Variants in DEAF1 observed in about 807,000 individuals in gnomAD.
The protein encoded by DEAF1 is DEAF1 transcription factor.
In DEAF1, 53 loss-of-function variants were observed where a neutral mutation model predicts 58.9. The observed-to-expected ratio is 0.90, with a 90% confidence interval of 0.72 to 1.13. The LOEUF (loss-of-function observed/expected upper bound fraction) is 1.13. DEAF1 is among the 50% of genes most tolerant of loss of function. The probability of loss-of-function intolerance (pLI) is 0.00; values close to 1 mark genes in which losing one functional copy is unlikely to be tolerated. For synonymous variants in DEAF1, 385 were observed against 340.4 expected, an observed-to-expected ratio of 1.13 and a Z score of -1.44; for missense variants, 685 against 791.4, an observed-to-expected ratio of 0.87 and a Z score of 1.61.
intron 11 of DEAF1, among the ~76,000 whole-genome samples, chr11:652,732 A>T (rs747636602): frequency 6.6e-6 from 1 of 152,142 alleles, no homozygotes; most frequent in Non-Finnish European, 1.5e-5. Context: ...AAGACATCAC[A>T]GGACAAAATA....
rs1314679348 is a variant in DEAF1, at chr11:676,004, C to CGG, written c.1256-1223_1256-1222dup. On this transcript the variant is annotated intron_variant, in intron 9 of 11. Coordinates refer to ENST00000382409, the MANE Select transcript of DEAF1 (RefSeq NM_021008.4). ...ATCCCCCGGGGCACCTGGCACCCCC[C>CGG]GGCACCCGACACCCCCCAGCACCCG... 4.5e-3 allele frequency among the ~76,000 whole-genome samples: 97 copies of CGG among 21,678 alleles called. 2 individuals carry two copies. Among genetic ancestry groups the CGG allele is most frequent in the Non-Finnish European group, 5.9e-3 (58 of 9,806 alleles). 14.2% of individuals were successfully genotyped at this position (21,678 alleles called of 152,430 possible).
intron 10 of DEAF1, among the ~76,000 whole-genome samples, chr11:655,872 G>A (rs1045552156): frequency 2.6e-5 from 4 of 151,852 alleles, no homozygotes; most frequent in African/African-American, 4.8e-5. Context: ...TCACTCTGTC[G>A]CCCAGGCTGG....
chr11:700,308 C>T, intron 1 of DEAF1: 1 of 1,374,446 alleles, frequency 7.3e-7, no homozygotes, highest in African/African-American at 1.4e-5. Flanking sequence ...GGGCGGATCA[C>T]TTGAGGTCAG....
At chr11:678,521 A>G in intron 9 of DEAF1, 173 bp downstream of exon 9, 2 of 976,982 alleles carry the variant, frequency 2.0e-6, no homozygotes, top group Non-Finnish European at 3.1e-6. Context: ...TGTGTCAGTA[A>G]AACTTTATTT....
chr11:684,760 C>G (rs1860517046), intron 6 of DEAF1, 138 bp downstream of exon 6: 2 of 769,634 alleles, frequency 2.6e-6, no homozygotes, highest in East Asian at 5.4e-5. Context: ...ACAGAGCAAC[C>G]CAGGAGAAGT....
chr11:648,682 G>A lies in DEAF1; in HGVS notation c.1594-4028C>T, dbSNP rs544432529. 6.6e-5 allele frequency among the ~76,000 whole-genome samples: 10 copies of A among 152,304 alleles called. No homozygotes were observed. In the South Asian group the frequency reaches 2.1e-3, roughly 32 times the overall value. The stretch of plus-strand genomic sequence containing the variant: ...CCAGGAATGTATACACTCAGCCTCT[G>A]CAGTACACTTTCCCTGCTTGAGGAA... On this transcript the variant is annotated intron_variant, in intron 11 of 11. Transcript: ENST00000382409.
intron 8 of DEAF1, 118 bp downstream of exon 8, chr11:679,570 G>C: frequency 6.6e-7 from 1 of 1,516,514 alleles, no homozygotes; most frequent in South Asian, 1.1e-5. Context: ...CAAACGCCTG[G>C]TTCAAGGCCC....
At chr11:686,765 C>A (rs916302279) in intron 5 of DEAF1, 93 bp downstream of exon 5, 15 of 1,562,940 alleles carry the variant, frequency 9.6e-6, no homozygotes, top group Non-Finnish European at 1.3e-5. Context: ...ATTTGTCTGA[C>A]CCCGTGGTCT....
intron 9 of DEAF1, 53 bp downstream of exon 9, chr11:678,641 G>A: frequency 6.2e-7 from 1 of 1,612,194 alleles, no homozygotes; most frequent in Non-Finnish European, 8.5e-7. Context: ...TCTTTCATTG[G>A]AAGCAATTCT....
upstream of DEAF1, chr11:695,435 TGTC>T (rs889154332): frequency 6.6e-6 from 3 of 457,016 alleles, no homozygotes; most frequent in African/African-American, 6.0e-5. Flanking sequence ...CTGAGGCGGC[TGTC>T]GTCCCCGGCC....
chr11:700,049 C>A, upstream of DEAF1: 1 of 1,021,688 alleles, frequency 9.8e-7, no homozygotes, highest in Non-Finnish European at 1.5e-6. Context: ...TCTGTGGCCA[C>A]CAAACAGATG....
chr11:694,887 G>T lies in DEAF1; in HGVS notation c.161C>A (p.Ser54Ter), dbSNP rs866005058. Residue 54 changes from serine (S) to a stop codon, truncating the protein, a stop_gained, in exon 1 of 12, where the codon TCG (serine) becomes TAG (stop). Coordinates refer to ENST00000382409, the MANE Select transcript of DEAF1 (RefSeq NM_021008.4). LOFTEE classifies it high-confidence loss of function. Reference sequence around the variant, plus strand: ...CCGCGGCGTCTCCCGCTCCGCCTCCGAGTCTGCGTCCTCCTCCGAGTCCTC... The same window carrying T: ...CCGCGGCGTCTCCCGCTCCGCCTCCTAGTCTGCGTCCTCCTCCGAGTCCTC... ...RDEDSEEDADSEAERETPRVT... is the reference protein window; with the variant it reads ...RDEDSEEDAD 4 of 1,500,328 alleles carry T rather than the reference G, an allele frequency of 2.7e-6. No homozygotes were observed. Among genetic ancestry groups the T allele is most frequent in the East Asian group, 5.6e-5 (2 of 35,646 alleles). The allele number at this position is 1,500,328 out of a possible 1,614,324, so 92.9% of individuals were successfully genotyped here.
At chr11:679,441 CAGAG>C (rs1432601922) in intron 8 of DEAF1, among the ~76,000 whole-genome samples, 1 of 152,188 alleles carries the variant, frequency 6.6e-6, no homozygotes, top group Non-Finnish European at 1.5e-5. Context: ...AGCCGGCAGA[CAGAG>C]AGTATTTTCA....
At chr11:679,601 C>T (rs1860249088) in intron 8 of DEAF1, 87 bp downstream of exon 8, 1 of 1,591,184 alleles carries the variant, frequency 6.3e-7, no homozygotes. Flanking sequence ...ACCCAGCAGC[C>T]TATGCAGCCC....
intron 10 of DEAF1, chr11:666,044 A>G (rs1859508443): frequency 6.7e-6 from 1 of 150,228 alleles, no homozygotes. Context: ...GCTGCTGCTC[A>G]CCACCTGAAA....
chr11:691,401 C>G, intron 2 of DEAF1, 100 bp downstream of exon 2: 1 of 1,091,084 alleles, frequency 9.2e-7, no homozygotes, highest in South Asian at 1.3e-5. Context: ...ACAGAGCAGA[C>G]GTTCACACAG....
At chr11:696,590 C>T, upstream of DEAF1, among the ~76,000 whole-genome samples, 1 of 151,884 alleles carries the variant, frequency 6.6e-6, no homozygotes, top group Admixed American at 6.6e-5. Context: ...CATAGCAAGA[C>T]CCCCTCTATA....
chr11:647,872 AGGCGGTGCTGGG>A, intron 11 of DEAF1, among the ~76,000 whole-genome samples: 1 of 126,504 alleles, frequency 7.9e-6, no homozygotes, highest in African/African-American at 3.0e-5. Flanking sequence ...GACTTGACCC[AGGCGGTGCTGGG>A]AGCAGGTGGG....
Position 674,760 on chromosome 11 carries a change from C to T in DEAF1, c.1279G>A (p.Ala427Thr). ...TTGGTGGGAGTCGGGGGTGGGACCG[C>T]CAGCGCAGGCAGGGATGTCAACACT... ...KIVLTSLPAL[A>T]VPPPTPTKAA... Residue 427 changes from alanine (A) to threonine (T), a missense_variant, in exon 10 of 12, where the codon GCG becomes ACG. Physicochemically the swap from Ala to Thr is moderately conservative, Grantham distance 58. This residue lies in a region of DEAF1 where 343 missense variants were observed against 379.8 expected (regional missense o/e 0.90). Coordinates refer to ENST00000382409, the MANE Select transcript of DEAF1 (RefSeq NM_021008.4). 2 of 1,612,858 alleles carry T rather than the reference C, an allele frequency of 1.2e-6. No homozygotes were observed. The highest frequency in any genetic ancestry group is 1.7e-6 in the Non-Finnish European group (2 of 1,180,028).
Sources: gnomAD v4.1 joint callset for allele counts (sites outside exome capture counted in the v4.1 genomes callset) on GRCh38, gnomAD v4.1.1 for gene constraint, gnomAD v4.1.1 regional missense constraint, MANE v1.5 for transcripts, NCBI Gene and HGNC (gene_info 2026-07-23, HGNC 2026-07-21) for gene names.